Variants in PCDHA10 observed in about 807,000 individuals in gnomAD.
PCDHA10 encodes protocadherin alpha-10.
Under a neutral mutation model 61.2 loss-of-function variants are expected in PCDHA10, and 45 were observed. The ratio of observed to expected loss-of-function variants is 0.74; its 90% CI spans 0.58 to 0.94. The LOEUF is 0.94. Ranked by LOEUF, PCDHA10 falls within the 40% of genes least tolerant of loss-of-function variation. The probability of loss-of-function intolerance (pLI) is 0.00; values close to 1 mark genes in which losing one functional copy is unlikely to be tolerated. For synonymous variants in PCDHA10, 602 were observed against 548.8 expected, an observed-to-expected ratio of 1.10 and a Z score of -1.35; for missense variants, 1,278 against 1,236.2, an observed-to-expected ratio of 1.03 and a Z score of -0.51.
chr5:140,884,057 G>C lies in PCDHA10; in HGVS notation c.2388+25621G>C, dbSNP rs141156800. On this transcript the variant is annotated intron_variant, in intron 1 of 3. Transcript: ENST00000307360. ...CCACGTGGTGGCGAAGGTGCGCGCG[G>C]TGGACGCCGATTCGGGCTACAATGC... 6.2e-6 allele frequency: 10 copies of C among 1,613,422 alleles called. No homozygotes were observed. In the African/African-American group the frequency reaches 1.3e-4, roughly 22 times the overall value.
At chr5:140,926,118 G>C (rs927468824) in intron 1 of PCDHA10, among the ~76,000 whole-genome samples, 3 of 152,174 alleles carry the variant, frequency 2.0e-5, no homozygotes, top group African/African-American at 7.2e-5. Flanking sequence ...GTGCAGGACA[G>C]ACTTCAACCC....
At chr5:140,864,310 A>G (rs2048415201) in intron 1 of PCDHA10, 1 of 152,166 alleles carries the variant, frequency 6.6e-6, no homozygotes, top group African/African-American at 2.4e-5. Flanking sequence ...TACCATGACA[A>G]TATTTAATAT....
At chr5:140,986,355 T>G (rs1381730343) in intron 3 of PCDHA10, among the ~76,000 whole-genome samples, 6 of 152,154 alleles carry the variant, frequency 3.9e-5, no homozygotes, top group African/African-American at 1.4e-4. Context: ...CTTCTTCAGA[T>G]GGAGGAATGC....
At chr5:140,932,633 A>T (rs1192123242) in intron 1 of PCDHA10, among the ~76,000 whole-genome samples, 1 of 151,912 alleles carries the variant, frequency 6.6e-6, no homozygotes, top group African/African-American at 2.4e-5. Flanking sequence ...ACACTAAAAA[A>T]CTTTAGAATG....
intron 3 of PCDHA10, 116 bp downstream of exon 3, chr5:140,982,679 C>T: frequency 7.0e-7 from 1 of 1,436,546 alleles, no homozygotes; most frequent in Non-Finnish European, 9.2e-7. Flanking sequence ...TTGTTATTCC[C>T]TTTTTTCCAT....
intron 3 of PCDHA10, among the ~76,000 whole-genome samples, chr5:140,983,787 A>G (rs1439684844): frequency 6.6e-6 from 1 of 152,234 alleles, no homozygotes; most frequent in Non-Finnish European, 1.5e-5. Flanking sequence ...ATAACAGATG[A>G]CAGAATGTGT....
intron 2 of PCDHA10, among the ~76,000 whole-genome samples, chr5:140,979,453 A>G (rs2096852067): frequency 6.6e-6 from 1 of 151,906 alleles, no homozygotes; most frequent in Admixed American, 6.6e-5. Flanking sequence ...TATTACCCTC[A>G]ATAATTGATT....
At chr5:140,969,935 T>C (rs1490184904) in intron 1 of PCDHA10, among the ~76,000 whole-genome samples, 2 of 152,222 alleles carry the variant, frequency 1.3e-5, no homozygotes, top group Non-Finnish European at 2.9e-5. Context: ...TTAGACATCA[T>C]ACTGAAGCTA....
intron 1 of PCDHA10, chr5:140,969,097 C>G (rs2096295003): frequency 6.2e-7 from 1 of 1,614,072 alleles, no homozygotes; most frequent in African/African-American, 1.3e-5. Flanking sequence ...TGCAGCCTCA[C>G]TTCATTGAAG....
In PCDHA10 at chr5:140,964,167, C is replaced by T. The variant is rs370784169; in HGVS notation, c.2389-14782C>T. Reference sequence around the variant, plus strand: ...AGCCTCAGTATAATGGTGTGAGGAACGAAATCATTATAGTGCCAAATAGAG... The same window carrying T: ...AGCCTCAGTATAATGGTGTGAGGAATGAAATCATTATAGTGCCAAATAGAG... On this transcript the variant is annotated intron_variant, in intron 1 of 3. Coordinates refer to ENST00000307360, the MANE Select transcript of PCDHA10 (RefSeq NM_018901.4). Among the ~76,000 whole-genome samples, 16 of 152,250 alleles carry T rather than the reference C, an allele frequency of 1.1e-4. 1 individual carries two copies. The highest frequency in any genetic ancestry group is 3.4e-4 in the African/African-American group (14 of 41,544).
chr5:140,875,516 TG>T, intron 1 of PCDHA10: 1 of 1,613,976 alleles, frequency 6.2e-7, no homozygotes, highest in Non-Finnish European at 8.5e-7. Context: ...CAGCGTCTGC[TG>T]CTCTCGCTTC....
intron 1 of PCDHA10, among the ~76,000 whole-genome samples, chr5:140,896,002 G>A (rs1485647299): frequency 1.3e-5 from 2 of 152,082 alleles, no homozygotes; most frequent in Non-Finnish European, 2.9e-5. Flanking sequence ...GTAGAGACAG[G>A]GTTTCTCCAT....
intron 1 of PCDHA10, among the ~76,000 whole-genome samples, chr5:140,938,910 C>T (rs1467187970): frequency 6.6e-6 from 1 of 152,012 alleles, no homozygotes; most frequent in African/African-American, 2.4e-5. Context: ...CACACACACA[C>T]GCACAAGAAA....
chr5:140,871,208 C>G, intron 1 of PCDHA10: 1 of 1,613,802 alleles, frequency 6.2e-7, no homozygotes, highest in Non-Finnish European at 8.5e-7. Context: ...CTGATCATCG[C>G]CATCTGCGTG....
chr5:140,944,273 G>A (rs1208171689), intron 1 of PCDHA10, among the ~76,000 whole-genome samples: 2 of 152,098 alleles, frequency 1.3e-5, no homozygotes, highest in African/African-American at 4.8e-5. Flanking sequence ...CTGCAGCCTT[G>A]ACACCCCGGG....
intron 3 of PCDHA10, among the ~76,000 whole-genome samples, chr5:140,986,398 G>A (rs973049448): frequency 7.2e-5 from 11 of 152,174 alleles, no homozygotes; most frequent in African/African-American, 2.4e-4. Flanking sequence ...AGGGCCAGTC[G>A]CTCATGTTAC....
intron 2 of PCDHA10, among the ~76,000 whole-genome samples, chr5:140,981,701 C>A (rs546149642): frequency 5.3e-5 from 8 of 152,268 alleles, no homozygotes; most frequent in African/African-American, 1.9e-4. Context: ...TTCATTCATT[C>A]ATTCATTCAT....
At chr5:140,968,419 T>C (rs372766707) in intron 1 of PCDHA10, 37 of 1,613,898 alleles carry the variant, frequency 2.3e-5, no homozygotes, top group Non-Finnish European at 3.0e-5. Context: ...CTGTGGAGGC[T>C]CAGGACAAGG....
chr5:140,926,943 T>C (rs2083677139), intron 1 of PCDHA10: 1 of 1,587,096 alleles, frequency 6.3e-7, no homozygotes, highest in Non-Finnish European at 8.6e-7. Context: ...CCTGCGGCGC[T>C]GCAGCGGGAC....
Sources: allele counts gnomAD v4.1 joint callset (sites outside exome capture counted in the v4.1 genomes callset), GRCh38; gene constraint gnomAD v4.1.1; transcripts MANE v1.5; gene names NCBI Gene and HGNC (gene_info 2026-07-23, HGNC 2026-07-21).